The following LTF variants were observed in gnomAD, a reference collection of about 807,000 sequenced individuals.
LTF encodes lactotransferrin, also known as epididymis luminal protein 110.
A neutral mutation model predicts 87.2 loss-of-function variants in LTF; 91 were observed. The observed-to-expected ratio is 1.04, with a 90% confidence interval of 0.88 to 1.24. The LOEUF is 1.24. Among genes scored for constraint, LTF ranks in the 50% most tolerant of loss-of-function variants. LTF has a pLI of 0.00. For missense variants in LTF, 901 were observed against 904.3 expected (o/e 1.00, Z 0.05); for synonymous variants, 378 against 356.1 (o/e 1.06, Z -0.69).
intron 6 of LTF, chr3:46,453,916 C>T (rs187558304): frequency 1.1e-4 from 26 of 228,860 alleles, no homozygotes; most frequent in South Asian, 7.0e-4. Flanking sequence ...ACAACAATAC[C>T]GATAAACCTC....
intron 1 of LTF, among the ~76,000 whole-genome samples, chr3:46,473,932 C>T (rs1344048322): frequency 1.3e-5 from 2 of 152,122 alleles, no homozygotes; most frequent in African/African-American, 4.8e-5. Context: ...TAAGTAATAC[C>T]TACGGTAACC....
At chr3:46,444,170 G>A (rs905001753) in intron 12 of LTF, among the ~76,000 whole-genome samples, 2 of 152,162 alleles carry the variant, frequency 1.3e-5, no homozygotes, top group Non-Finnish European at 2.9e-5. Flanking sequence ...GAATGCAGAA[G>A]CAGGGACTGG....
intron 2 of LTF, among the ~76,000 whole-genome samples, chr3:46,457,870 C>A (rs1244993713): frequency 6.6e-6 from 1 of 152,028 alleles, no homozygotes; most frequent in African/African-American, 2.4e-5. Flanking sequence ...CTCCACCTCC[C>A]GGGTTAAAGC....
Position 46,454,331 on chromosome 3 carries a change from GC to G in LTF, c.676del (p.Ala226LeufsTer54). On this transcript the variant is annotated frameshift_variant, in exon 6 of 17. Transcript: ENST00000231751. LOFTEE classifies it high-confidence loss of function. Reference sequence around the variant, plus strand: ...AAACACTGTGCTCTCTCTGATAAAAGCCACGTCTCCAGCCCCGTCTCTCAGA... The same window carrying G: ...AAACACTGTGCTCTCTCTGATAAAAGCACGTCTCCAGCCCCGTCTCTCAGA... ...KCLRDGAGDV[A>X]FIRESTVFED... 1 of 1,614,158 alleles carries G rather than the reference GC, an allele frequency of 6.2e-7. No homozygotes were observed. Among genetic ancestry groups the G allele is most frequent in the Non-Finnish European group, 8.5e-7 (1 of 1,180,018 alleles).
chr3:46,445,144 G>A, intron 12 of LTF, 137 bp downstream of exon 12: 5 of 899,640 alleles, frequency 5.6e-6, no homozygotes, highest in Non-Finnish European at 8.2e-6. Context: ...GCCACAGGGA[G>A]AATTTCCTTA....
intron 1 of LTF, among the ~76,000 whole-genome samples, chr3:46,484,632 G>C (rs1703493608): frequency 1.3e-5 from 2 of 152,162 alleles, no homozygotes; most frequent in Admixed American, 1.3e-4. Flanking sequence ...TATGATCTGG[G>C]GGCCCCAGCA....
chr3:46,483,935 C>T (rs956521244), intron 1 of LTF, among the ~76,000 whole-genome samples: 1 of 152,120 alleles, frequency 6.6e-6, no homozygotes, highest in Non-Finnish European at 1.5e-5. Context: ...AGCTGCTGCA[C>T]CCTGGCCAAA....
Position 46,436,247 on chromosome 3 carries a change from G to A in LTF, c.2099-18C>T, listed in dbSNP as rs768680289. 94 of 1,612,270 alleles carry A rather than the reference G, an allele frequency of 5.8e-5. No homozygotes were observed. The highest frequency in any genetic ancestry group is 7.6e-5 in the Non-Finnish European group (90 of 1,178,286). On this transcript the variant is annotated intron_variant, in intron 16 of 16. Transcript: ENST00000231751. The stretch of plus-strand genomic sequence containing the variant: ...CAGGAGGGCTGTGGGACACAACAGA[G>A]CAAGAGATTCAGAAACTGATTTCTT...
At chr3:46,458,301 G>C (rs1047340263) in intron 2 of LTF, among the ~76,000 whole-genome samples, 2 of 152,100 alleles carry the variant, frequency 1.3e-5, no homozygotes, top group African/African-American at 4.8e-5. Context: ...CTGCCCCCTA[G>C]TTTTTCAATA....
rs200575539 is a variant in LTF at position 46,448,897 on chromosome 3, G to A, written c.1178C>T (p.Ala393Val). 2.8e-4 allele frequency: 444 copies of A among 1,613,618 alleles called. 4 individuals carry two copies. In the East Asian group the frequency reaches 9.3e-3, roughly 34 times the overall value. Residue 393 changes from alanine (A) to valine (V), a missense_variant, in exon 9 of 17, where the codon GCC (alanine) becomes GTC (valine). Physicochemically the swap from Ala to Val is moderately conservative, Grantham distance 64. Coordinates refer to ENST00000231751, the MANE Select transcript of LTF (RefSeq NM_002343.6). ...LSEGSVTCSS[A>V]STTEDCIALV... is the part of the protein sequence containing the mutation. ...GGCGATGCAGTCCTCTGTGGTGGAG[G>A]CCGAGGAGCAGGTCACGCTGCCTTC...
intron 6 of LTF, 166 bp downstream of exon 6, chr3:46,454,139 A>T (rs950816847): frequency 1.4e-6 from 1 of 696,392 alleles, no homozygotes; most frequent in African/African-American, 1.8e-5. Flanking sequence ...GTTTGAAGAA[A>T]ACTGATCATT....
intron 1 of LTF, among the ~76,000 whole-genome samples, chr3:46,461,621 T>A (rs1246709493): frequency 6.6e-6 from 1 of 152,206 alleles, no homozygotes; most frequent in African/African-American, 2.4e-5. Context: ...GGTTGTCTGA[T>A]GCTGGGGTAG....
chr3:46,477,196 G>A (rs951376983), intron 1 of LTF, among the ~76,000 whole-genome samples: 9 of 152,230 alleles, frequency 5.9e-5, no homozygotes, highest in Non-Finnish European at 1.5e-5. Flanking sequence ...CAGCCACTCT[G>A]TTTGGGAATG....
intron 1 of LTF, among the ~76,000 whole-genome samples, chr3:46,482,644 GAAA>G (rs1703457355): frequency 3.1e-5 from 3 of 96,442 alleles, no homozygotes; most frequent in African/African-American, 8.3e-5. Flanking sequence ...AAGAAAGAAA[GAAA>G]GAAAGAAAGA....
At chr3:46,480,094 C>T (rs1703413897) in intron 1 of LTF, among the ~76,000 whole-genome samples, 1 of 152,216 alleles carries the variant, frequency 6.6e-6, no homozygotes, top group African/African-American at 2.4e-5. Flanking sequence ...GTAAGACTGA[C>T]AGACCCCGGA....
rs972842124 is a variant in LTF at position 46,450,625 on chromosome 3, G to T, written c.752C>A (p.Pro251Gln). The change falls in exon 7 of 17, where the codon CCA (proline) becomes CAA (glutamine). Residue 251 changes from proline to glutamine, a missense_variant. Coordinates refer to ENST00000231751, the MANE Select transcript of LTF (RefSeq NM_002343.6). ...GTCCACTGGCTTCCGAGTGTTGTCT[G>T]GGCAGAGTAACTCATACTCGTCCCT... ...AERDEYELLC[P>Q]DNTRKPVDKF... 6.2e-7 allele frequency: 1 copy of T among 1,614,040 alleles called. No homozygotes were observed. The highest frequency in any genetic ancestry group is 1.3e-5 in the African/African-American group (1 of 74,912).
At chr3:46,437,439 G>C (rs1702411563) in intron 16 of LTF, among the ~76,000 whole-genome samples, 1 of 134,282 alleles carries the variant, frequency 7.4e-6, no homozygotes, top group African/African-American at 3.1e-5. Context: ...TCCTATTTCA[G>C]CCTCTCAAGT....
At position 46,445,372 on chromosome 3, in the gene LTF, G is replaced by T; in HGVS notation, c.1422C>A (p.Gly474=). 2 of 1,614,026 alleles carry T rather than the reference G, an allele frequency of 1.2e-6. No homozygotes were observed. Among genetic ancestry groups the T allele is most frequent in the Non-Finnish European group, 1.7e-6 (2 of 1,179,912 alleles). The change falls in exon 12 of 17, where the codon GGC becomes GGA. Residue 474 remains glycine (G), a synonymous_variant. Coordinates refer to ENST00000231751, the MANE Select transcript of LTF (RefSeq NM_002343.6). ...CCACGGCGGTGTGGCAGGACTTCTT[G>T]CCTTTCACAGAGTTCCAGGTAAGGC... The part of the protein sequence containing the change: ...DTSLTWNSVK[G]KKSCHTAVDR...
chr3:46,439,516 C>T (rs1702465888), intron 14 of LTF, 36 bp from the exon 15 acceptor site: 1 of 1,558,572 alleles, frequency 6.4e-7, no homozygotes. Context: ...ATCCACGCCT[C>T]CCCTGCTTAG....
Sources: allele counts gnomAD v4.1 joint callset (sites outside exome capture counted in the v4.1 genomes callset), GRCh38; gene constraint gnomAD v4.1.1; transcripts MANE v1.5; gene names NCBI Gene and HGNC (gene_info 2026-07-23, HGNC 2026-07-21).